Variants in ENTPD8 observed in about 807,000 individuals in gnomAD.
The protein encoded by ENTPD8 is E-NTPDase 8.
ENTPD8 carries 35 observed loss-of-function variants against 47.0 expected under a neutral mutation model. The ratio of observed to expected loss-of-function variants is 0.75; its 90% CI spans 0.57 to 0.99. ENTPD8 has a LOEUF of 0.99. Among genes scored for constraint, ENTPD8 ranks in the 50% least tolerant of loss-of-function variants. The pLI, the probability that ENTPD8 is intolerant of heterozygous loss-of-function variation, is 0.00. For missense variants in ENTPD8, 668 were observed against 649.9 expected, an observed-to-expected ratio of 1.03 and a Z score of -0.30; for synonymous variants, 308 against 290.5, an observed-to-expected ratio of 1.06 and a Z score of -0.61.
intron 3 of ENTPD8, 86 bp from the exon 4 acceptor site, chr9:137,437,395 C>A (rs1464822014): frequency 6.7e-7 from 1 of 1,490,174 alleles, no homozygotes; most frequent in Non-Finnish European, 9.0e-7. Flanking sequence ...CCACCTCATG[C>A]CCCCTGGTGC....
At chr9:137,439,324 C>A (rs1004390470) in intron 1 of ENTPD8, among the ~76,000 whole-genome samples, 1 of 152,078 alleles carries the variant, frequency 6.6e-6, no homozygotes, top group Non-Finnish European at 1.5e-5. Context: ...CCCAGGCCGA[C>A]CCTGTGCCCC....
chr9:137,440,185 A>G (rs115108475), intron 1 of ENTPD8, among the ~76,000 whole-genome samples: 2,491 of 102,392 alleles, frequency 0.024, 212 homozygotes, highest in African/African-American at 0.096. Context: ...CCCCTCACAC[A>G]GAACAGTCCC....
In ENTPD8 at chr9:137,435,803, G is replaced by A. The variant is rs772850438; in HGVS notation, c.1077C>T (p.Phe359=). The change falls in exon 8 of 10, where the codon TTC becomes TTT. Residue 359 remains phenylalanine, a synonymous_variant. Transcript: ENST00000371506. ...FYAFSNFYYT[F]HFLNLTSRQP... ...GCCTGGAGGTGAGGTTCAGGAAGTGGAAGGTGTAGTAGAAGTTGGAGAAGG... is the reference window on the plus strand; with the variant it reads ...GCCTGGAGGTGAGGTTCAGGAAGTGAAAGGTGTAGTAGAAGTTGGAGAAGG... 3.1e-6 allele frequency: 5 copies of A among 1,613,628 alleles called. No homozygotes were observed. In the South Asian group the frequency reaches 5.5e-5, roughly 18 times the overall value.
chr9:137,435,203 C>T lies in ENTPD8; in HGVS notation c.1296+1G>A, dbSNP rs2131901902. 6.2e-7 allele frequency: 1 copy of T among 1,610,424 alleles called. No individual in the cohort carries two copies. Among genetic ancestry groups the T allele is most frequent in the Admixed American group, 1.7e-5 (1 of 59,962 alleles). On this transcript the variant is annotated splice_donor_variant, in intron 9 of 9. Transcript: ENST00000371506. LOFTEE classifies it high-confidence loss of function. ...CGCCCACGCCCAGGGGAGGCAGTCACCTGCTTTCGGAACTCGAGGCTGGGC... is the reference window on the plus strand; with the variant it reads ...CGCCCACGCCCAGGGGAGGCAGTCATCTGCTTTCGGAACTCGAGGCTGGGC...
Position 137,434,837 on chromosome 9 carries a change from C to T in ENTPD8, c.*77G>A, listed in dbSNP as rs553118714. 8.8e-6 allele frequency: 13 copies of T among 1,469,608 alleles called. No homozygotes were observed. The East Asian group carries it at 3.2e-4, about 36-fold the overall frequency. The allele number at this position is 1,469,608 out of a possible 1,614,324, so 91.0% of individuals were successfully genotyped here. On this transcript the variant is annotated 3_prime_UTR_variant, in exon 10 of 10. Transcript: ENST00000371506. The stretch of plus-strand genomic sequence containing the variant: ...AGCCACAGAGCAAGGCCCCACGGCG[C>T]TCAGGGCTCAGGAAGCCTCCAGCAT...
In ENTPD8 at chr9:137,437,323, CG is replaced by C. The variant is rs764965352; in HGVS notation, c.245-15del. ...AGATTCCAGGCCCTGGAACAGCAGC[CG>C]GGGACAGAGCTCCAGACCCCGCAGG... On this transcript the variant is annotated splice_polypyrimidine_tract_variant and intron_variant, in intron 3 of 9. Coordinates refer to ENST00000371506, the MANE Select transcript of ENTPD8 (RefSeq NM_001033113.2). The C allele has an allele frequency of 1.2e-6, 2 of 1,605,992 alleles. No individual in the cohort carries two copies. The highest frequency in any genetic ancestry group is 1.7e-6 in the Non-Finnish European group (2 of 1,175,656).
At position 137,435,039 on chromosome 9, in the gene ENTPD8, C is replaced by G. The variant is rs746981536; in HGVS notation, c.1363G>C (p.Asp455His). 2 of 1,612,672 alleles carry G rather than the reference C, an allele frequency of 1.2e-6. No homozygotes were observed. The highest frequency in any genetic ancestry group is 1.7e-5 in the Admixed American group (1 of 59,998). ...TCTGCCCGCCACTGAGCCGGCGCAT[C>G]GGCCGGGATCATCCCGGTCAGGTTC... ...MLNLTGMIPA[D>H]APAQWRAESY... The change falls in exon 10 of 10, where the codon GAT becomes CAT. Residue 455 changes from aspartate (D) to histidine (H), a missense_variant. Coordinates refer to ENST00000371506, the MANE Select transcript of ENTPD8 (RefSeq NM_001033113.2).
rs573893543 is a variant in ENTPD8 at position 137,438,765 on chromosome 9, G to A, written c.-20-460C>T. ...TCAGAGGGCCCTGTGGGAGGGGGGC[G>A]GGGGGCAGCAGAGGCCTCGTCTGGG... On this transcript the variant is annotated intron_variant, in intron 1 of 9. Coordinates refer to ENST00000371506, the MANE Select transcript of ENTPD8 (RefSeq NM_001033113.2). This position sits in a 1 kb window ranked among gnomAD's most constrained non-coding sequence, Gnocchi z 5.7. Among the ~76,000 whole-genome samples, 11 of 152,232 alleles carry A rather than the reference G, an allele frequency of 7.2e-5. No individual in the cohort carries two copies. In the South Asian group the frequency reaches 1.7e-3, roughly 23 times the overall value.
rs1407114368 is a variant in ENTPD8 at position 137,436,295 on chromosome 9, C to T, written c.787-19G>A. ...GGCGGCTCTGCAGAGGGCAGGGAGG[C>T]CTGAGCACCAGCCGCACACCTGCGG... is the stretch of plus-strand genomic sequence containing the variant. On this transcript the variant is annotated intron_variant, in intron 6 of 9. Coordinates refer to ENST00000371506, the MANE Select transcript of ENTPD8 (RefSeq NM_001033113.2). 1.3e-6 allele frequency: 2 copies of T among 1,551,470 alleles called. No individual in the cohort carries two copies. The highest frequency in any genetic ancestry group is 1.4e-5 in the African/African-American group (1 of 73,524).
chr9:137,436,511 G>A lies in ENTPD8; in HGVS notation c.786+10C>T. 1 of 1,593,762 alleles carries A rather than the reference G, an allele frequency of 6.3e-7. No individual in the cohort carries two copies. The highest frequency in any genetic ancestry group is 8.5e-7 in the Non-Finnish European group (1 of 1,170,834). On this transcript the variant is annotated intron_variant, in intron 6 of 9. Coordinates refer to ENST00000371506, the MANE Select transcript of ENTPD8 (RefSeq NM_001033113.2). ...CACAGCCCCATGCACCCTCCCCAGG[G>A]CCAGCTGACCTGTACCAGCCCCACG... is the stretch of plus-strand genomic sequence containing the variant.
In ENTPD8 at chr9:137,436,715, C is replaced by T. The variant is rs762864812; in HGVS notation, c.592G>A (p.Glu198Lys). 37 of 1,599,672 alleles carry T rather than the reference C, an allele frequency of 2.3e-5. No individual in the cohort carries two copies. The highest frequency in any genetic ancestry group is 3.1e-5 in the Non-Finnish European group (36 of 1,173,472). Residue 198 changes from glutamate (E) to lysine (K), a missense_variant, in exon 6 of 10, where the codon GAG (glutamate) becomes AAG (lysine). By Grantham distance (56) the Glu-to-Lys change is moderately conservative. Coordinates refer to ENST00000371506, the MANE Select transcript of ENTPD8 (RefSeq NM_001033113.2). ...FTGEWIQPPE[E>K]MLVGALDMGG... ...ATGTCCAGGGCACCCACCAGCATCT[C>T]CTCCGGAGGCTGGATCCATTCTCCA...
In ENTPD8 at chr9:137,438,061, G is replaced by A. The variant is rs1369255249; in HGVS notation, c.150C>T (p.Gly50=). ...ACAGGAAGAGGGACGTGTGGGAGGA[G>A]CCCGCATCAAACACGATCCCAAACT... The part of the protein sequence containing the change: ...DIKFGIVFDA[G]SSHTSLFLYQ... The change falls in exon 3 of 10, where the codon GGC becomes GGT. Residue 50 remains glycine, a synonymous_variant. Coordinates refer to ENST00000371506, the MANE Select transcript of ENTPD8 (RefSeq NM_001033113.2). This position sits in a 1 kb window ranked among gnomAD's most constrained non-coding sequence, Gnocchi z 5.7. 3 of 1,612,788 alleles carry A rather than the reference G, an allele frequency of 1.9e-6. No individual in the cohort carries two copies. The highest frequency in any genetic ancestry group is 1.3e-5 in the African/African-American group (1 of 74,936).
chr9:137,436,667 T>G lies in ENTPD8; in HGVS notation c.640A>C (p.Thr214Pro). 1.9e-6 allele frequency: 3 copies of G among 1,599,752 alleles called. No individual in the cohort carries two copies. The highest frequency in any genetic ancestry group is 2.6e-6 in the Non-Finnish European group (3 of 1,173,754). The change falls in exon 6 of 10, where the codon ACG (threonine) becomes CCG (proline). Residue 214 changes from threonine to proline, a missense_variant. Coordinates refer to ENST00000371506, the MANE Select transcript of ENTPD8 (RefSeq NM_001033113.2). ...LDMGGASTQITFVPGGPILDK... is the reference protein window; with the variant it reads ...LDMGGASTQIPFVPGGPILDK... ...AAGATGGGGCCCCCAGGCACGAACG[T>G]GATCTGGGTGGAGGCCCCTCCCATG...
chr9:137,436,499 A>G (rs1313940433), intron 6 of ENTPD8, 22 bp downstream of exon 6: 1 of 1,580,172 alleles, frequency 6.3e-7, no homozygotes, highest in Admixed American at 1.8e-5. Context: ...AGCCCCATGC[A>G]CCCTCCCCAG....
chr9:137,439,537 G>A (rs924360578), intron 1 of ENTPD8, among the ~76,000 whole-genome samples: 4 of 152,136 alleles, frequency 2.6e-5, no homozygotes, highest in Non-Finnish European at 5.9e-5. Context: ...AGTGGGACAC[G>A]CTGTGGGGTC....
At chr9:137,437,460 C>G in intron 3 of ENTPD8, 151 bp from the exon 4 acceptor site, 1 of 961,174 alleles carries the variant, frequency 1.0e-6, no homozygotes, top group South Asian at 1.8e-5. Flanking sequence ...CAGGAAGGAC[C>G]CTAACCCAGA....
chr9:137,437,323 C>A lies in ENTPD8; in HGVS notation c.245-14G>T. On this transcript the variant is annotated splice_polypyrimidine_tract_variant and intron_variant, in intron 3 of 9. Coordinates refer to ENST00000371506, the MANE Select transcript of ENTPD8 (RefSeq NM_001033113.2). Reference sequence around the variant, plus strand: ...AGATTCCAGGCCCTGGAACAGCAGCCGGGGACAGAGCTCCAGACCCCGCAG... The same window carrying A: ...AGATTCCAGGCCCTGGAACAGCAGCAGGGGACAGAGCTCCAGACCCCGCAG... The A allele has an allele frequency of 6.2e-7, 1 of 1,605,992 alleles. No homozygotes were observed. The highest frequency in any genetic ancestry group is 8.5e-7 in the Non-Finnish European group (1 of 1,175,656).
Position 137,434,847 on chromosome 9 carries a change from A to G in ENTPD8, c.*67T>C. ...CAAGGCCCCACGGCGCTCAGGGCTC[A>G]GGAAGCCTCCAGCATCCGGGACGCA... On this transcript the variant is annotated 3_prime_UTR_variant, in exon 10 of 10. Transcript: ENST00000371506. The G allele has an allele frequency of 6.7e-7, 1 of 1,492,714 alleles. No homozygotes were observed. The highest frequency in any genetic ancestry group is 8.9e-7 in the Non-Finnish European group (1 of 1,119,084). 92.5% of individuals were successfully genotyped at this position (1,492,714 alleles called of 1,614,324 possible). A position where few individuals can be genotyped will look rare whatever the true frequency, so the allele number is the denominator to read the frequency against.
At chr9:137,435,392 CG>C in intron 8 of ENTPD8, 54 bp from the exon 9 acceptor site, 2 of 1,572,062 alleles carry the variant, frequency 1.3e-6, no homozygotes, top group African/African-American at 1.3e-5. Context: ...CCCAGTCATG[CG>C]GGGACCGCCC....
Sources: gnomAD v4.1 joint callset for allele counts (sites outside exome capture counted in the v4.1 genomes callset) on GRCh38, gnomAD v4.1.1 for gene constraint, Gnocchi (gnomAD v3.1) non-coding constraint, MANE v1.5 for transcripts, NCBI Gene and HGNC (gene_info 2026-07-23, HGNC 2026-07-21) for gene names.